Variants in SLC35F4 observed in about 807,000 individuals in gnomAD.
SLC35F4 encodes the protein chromosome 14 open reading frame 36.
Under a neutral mutation model 44.2 loss-of-function variants are expected in SLC35F4, and 24 were observed. The observed-to-expected ratio is 0.54, with a 90% confidence interval of 0.39 to 0.76. The LOEUF is 0.76. Ranked by LOEUF, SLC35F4 falls within the 30% of genes least tolerant of loss-of-function variation. The probability of loss-of-function intolerance (pLI) is 0.00; values close to 1 mark genes in which losing one functional copy is unlikely to be tolerated. For missense variants in SLC35F4, 562 were observed against 586.1 expected, an observed-to-expected ratio of 0.96 and a Z score of 0.42; for synonymous variants, 238 against 223.6, an observed-to-expected ratio of 1.06 and a Z score of -0.57.
intron 1 of SLC35F4, among the ~76,000 whole-genome samples, chr14:57,943,588 G>A (rs977798685): frequency 2.0e-5 from 3 of 152,244 alleles, no homozygotes; most frequent in African/African-American, 4.8e-5. Flanking sequence ...GGTTACTGCC[G>A]AGTGTCATGA....
rs868573086 is a variant in SLC35F4, at chr14:57,738,787, A to G, written c.103+126936T>C. The stretch of plus-strand genomic sequence containing the variant: ...TATATATATATATATATATATATAT[A>G]GGCTTCATATGTATACATGTATATA... On this transcript the variant is annotated intron_variant, in intron 1 of 7. Transcript: ENST00000556826. Among the ~76,000 whole-genome samples the G allele has an allele frequency of 7.9e-3, 767 of 96,846 alleles. 8 individuals are homozygous for G. Among genetic ancestry groups the G allele is most frequent in the African/African-American group, 0.023 (584 of 25,158 alleles). 63.5% of individuals were successfully genotyped at this position (96,846 alleles called of 152,430 possible). A position where few individuals can be genotyped will look rare whatever the true frequency, so the allele number is the denominator to read the frequency against.
At position 57,717,046 on chromosome 14, in the gene SLC35F4, TTA is replaced by T. The variant is rs1179336871; in HGVS notation, c.104-122924_104-122923del. Among the ~76,000 whole-genome samples, 13 of 152,332 alleles carry T rather than the reference TTA, an allele frequency of 8.5e-5. No homozygotes were observed. The South Asian group carries it at 2.1e-3, about 24-fold the overall frequency. On this transcript the variant is annotated intron_variant, in intron 1 of 7. Transcript: ENST00000556826. ...CTCACCCATGTTGCTGACAGCATTT[TTA>T]TATGACTTAATAGTATTCCATTGTG...
chr14:57,915,099 G>A (rs1195435320), intron 1 of SLC35F4, among the ~76,000 whole-genome samples: 1 of 142,826 alleles, frequency 7.0e-6, no homozygotes, highest in African/African-American at 2.6e-5. Flanking sequence ...ACCTTCTGGA[G>A]CACTGGATTG....
chr14:57,680,369 T>C (rs2074854897), intron 1 of SLC35F4, among the ~76,000 whole-genome samples: 1 of 152,242 alleles, frequency 6.6e-6, no homozygotes, highest in Non-Finnish European at 1.5e-5. Flanking sequence ...TGATGGAATG[T>C]GTCTCAAAAT....
At position 57,596,440 on chromosome 14, in the gene SLC35F4, C is replaced by CA. The variant is rs145071050; in HGVS notation, c.104-2317dup. 3.4e-3 allele frequency: 965 copies of CA among 281,872 alleles called. 7 individuals carry two copies. The highest frequency in any genetic ancestry group is 0.02 in the African/African-American group (891 of 44,506). The allele number at this position is 281,872 out of a possible 1,614,324, so 17.5% of individuals were successfully genotyped here. A position where few individuals can be genotyped will look rare whatever the true frequency, so the allele number is the denominator to read the frequency against. ...CGGACTGTCTGAAATTCAGTGAACTCACAATTATTCCTGTTCTTCAAGAGT... is the reference window on the plus strand; with the variant it reads ...CGGACTGTCTGAAATTCAGTGAACTCAACAATTATTCCTGTTCTTCAAGAGT... On this transcript the variant is annotated intron_variant, in intron 1 of 7. Coordinates refer to ENST00000556826, the MANE Select transcript of SLC35F4 (RefSeq NM_001306087.2).
At chr14:57,820,914 T>C (rs1391630080) in intron 1 of SLC35F4, among the ~76,000 whole-genome samples, 2 of 152,230 alleles carry the variant, frequency 1.3e-5, no homozygotes, top group African/African-American at 4.8e-5. Context: ...AAGTGTCTGT[T>C]AACAAAAAGA....
chr14:57,813,207 C>T (rs1417880979), intron 1 of SLC35F4, among the ~76,000 whole-genome samples: 1 of 152,232 alleles, frequency 6.6e-6, no homozygotes, highest in African/African-American at 2.4e-5. Flanking sequence ...GGCCCAACTC[C>T]ACCCCAACAC....
chr14:57,609,633 T>C (rs1025634034), intron 1 of SLC35F4, among the ~76,000 whole-genome samples: 1 of 152,230 alleles, frequency 6.6e-6, no homozygotes, highest in African/African-American at 2.4e-5. Flanking sequence ...AAATGTTTCT[T>C]GTAGAGGCAG....
At chr14:57,879,777 T>A (rs144734145) in intron 1 of SLC35F4, among the ~76,000 whole-genome samples, 1 of 152,112 alleles carries the variant, frequency 6.6e-6, no homozygotes, top group African/African-American at 2.4e-5. Context: ...TGGTGCTGTG[T>A]TGCAAGGATT....
At chr14:57,974,353 G>A (rs1881146673), downstream of SLC35F4, among the ~76,000 whole-genome samples, 1 of 152,158 alleles carries the variant, frequency 6.6e-6, no homozygotes, top group Non-Finnish European at 1.5e-5. Context: ...TTCAGCTTCA[G>A]AAGTCTCAGA....
rs137938306 is a variant in SLC35F4 at position 57,603,379 on chromosome 14, C to T, written c.104-9255G>A. ...TAGACTTCTGTCCTGTGTTTAGCTA[C>T]CCAGCACCCAACCCTCTTCCTATTT... On this transcript the variant is annotated intron_variant, in intron 1 of 7. Transcript: ENST00000556826. Among the ~76,000 whole-genome samples, 8 of 152,284 alleles carry T rather than the reference C, an allele frequency of 5.3e-5. No individual in the cohort carries two copies. In the East Asian group the frequency reaches 9.6e-4, roughly 18 times the overall value.
chr14:57,761,413 T>C (rs188496281), intron 1 of SLC35F4, among the ~76,000 whole-genome samples: 1 of 152,232 alleles, frequency 6.6e-6, no homozygotes, highest in Non-Finnish European at 1.5e-5. Flanking sequence ...AGAATGATAA[T>C]GCCTATAACA....
intron 1 of SLC35F4, among the ~76,000 whole-genome samples, chr14:57,837,822 A>C (rs1885086729): frequency 6.6e-6 from 1 of 152,154 alleles, no homozygotes. Context: ...GAAATGCCAA[A>C]ATAAGACATT....
intron 1 of SLC35F4, among the ~76,000 whole-genome samples, chr14:57,926,767 G>A (rs1889583100): frequency 6.6e-6 from 1 of 151,454 alleles, no homozygotes; most frequent in Non-Finnish European, 1.5e-5. Context: ...GCACAGTGAT[G>A]CCTTAGAGAG....
chr14:57,867,282 A>G (rs1445744565), upstream of SLC35F4, among the ~76,000 whole-genome samples: 2 of 152,188 alleles, frequency 1.3e-5, no homozygotes, highest in Non-Finnish European at 2.9e-5. Context: ...AGGAAGAAAT[A>G]TGCAAATTTT....
intron 1 of SLC35F4, among the ~76,000 whole-genome samples, chr14:57,924,357 A>T (rs1037705209): frequency 2.0e-5 from 3 of 152,148 alleles, no homozygotes; most frequent in African/African-American, 7.2e-5. Flanking sequence ...CTGAAGGCAA[A>T]GGGGAGCCCT....
At chr14:57,643,982 G>A (rs918647752) in intron 1 of SLC35F4, among the ~76,000 whole-genome samples, 1 of 152,204 alleles carries the variant, frequency 6.6e-6, no homozygotes, top group Non-Finnish European at 1.5e-5. Flanking sequence ...ATTCCATGGT[G>A]TGTATGTGCC....
intron 1 of SLC35F4, among the ~76,000 whole-genome samples, chr14:57,711,500 T>C (rs569261662): frequency 6.6e-6 from 1 of 152,292 alleles, no homozygotes; most frequent in African/African-American, 2.4e-5. Flanking sequence ...TATGAGACCA[T>C]TTTTTATGTA....
intron 1 of SLC35F4, among the ~76,000 whole-genome samples, chr14:57,655,516 G>A (rs1013975822): frequency 4.1e-4 from 62 of 152,250 alleles, no homozygotes; most frequent in African/African-American, 1.4e-3. Context: ...AATGAGGGGA[G>A]GACAGTTAGA....
Sources: gnomAD v4.1 joint callset for allele counts (sites outside exome capture counted in the v4.1 genomes callset) on GRCh38, gnomAD v4.1.1 for gene constraint, MANE v1.5 for transcripts, NCBI Gene and HGNC (gene_info 2026-07-23, HGNC 2026-07-21) for gene names.